CPNE8: variants seen among roughly 807,000 people sequenced by gnomAD.
CPNE8 encodes copine 8.
CPNE8 carries 45 observed loss-of-function variants against 81.5 expected under a neutral mutation model. The observed-to-expected ratio is 0.55, with a 90% CI of 0.44 to 0.71. CPNE8 has a LOEUF of 0.71. CPNE8 is among the 30% of genes least tolerant of loss of function. The pLI, the probability that CPNE8 is intolerant of heterozygous loss-of-function variation, is 0.00. For missense variants in CPNE8, 594 were observed against 672.1 expected (o/e 0.88, Z 1.28); for synonymous variants, 252 against 226.3 (o/e 1.11, Z -1.02).
chr12:38,860,730 G>A (rs946784835), intron 3 of CPNE8, among the ~76,000 whole-genome samples: 12 of 152,192 alleles, frequency 7.9e-5, no homozygotes, highest in East Asian at 5.8e-4. Context: ...TATGCTAAGC[G>A]AAATAAACCA....
At chr12:38,756,969 A>G (rs899973127) in intron 10 of CPNE8, among the ~76,000 whole-genome samples, 3 of 152,174 alleles carry the variant, frequency 2.0e-5, no homozygotes, top group African/African-American at 7.2e-5. Flanking sequence ...TTAAAATGAC[A>G]ATATTCTGGA....
intron 1 of CPNE8, 122 bp downstream of exon 1, chr12:38,905,315 A>C: frequency 8.7e-7 from 1 of 1,146,136 alleles, no homozygotes; most frequent in South Asian, 1.5e-5. Flanking sequence ...CTACTGAGAT[A>C]TTTCCCACTC....
At chr12:38,733,235 T>G (rs550927208) in intron 10 of CPNE8, among the ~76,000 whole-genome samples, 57 of 152,048 alleles carry the variant, frequency 3.7e-4, no homozygotes, top group African/African-American at 1.3e-3. Context: ...TTTTTATACT[T>G]TCTAACCTTT....
chr12:38,833,881 G>C lies in CPNE8; in HGVS notation c.331-4426C>G, dbSNP rs529412505. The stretch of plus-strand genomic sequence containing the variant: ...CTATTCAAGTAGATACCTGAATCAT[G>C]TGAGGGAGGGAACCATGTGAATATC... On this transcript the variant is annotated intron_variant, in intron 5 of 19. Transcript: ENST00000331366. Among the ~76,000 whole-genome samples the C allele has an allele frequency of 2.0e-5, 3 of 152,306 alleles. No individual in the cohort carries two copies. In the East Asian group the frequency reaches 5.8e-4, roughly 29 times the overall value.
Position 38,800,107 on chromosome 12 carries a change from C to A in CPNE8, c.408-23806G>T, listed in dbSNP as rs1332024461. On this transcript the variant is annotated intron_variant, in intron 6 of 19. Transcript: ENST00000331366. ...GGGCGCCCGCCATTGCCCAGGCTTGCTTAGGTAGACAAAGCAGCCAGGAAG... is the reference window on the plus strand; with the variant it reads ...GGGCGCCCGCCATTGCCCAGGCTTGATTAGGTAGACAAAGCAGCCAGGAAG... Among the ~76,000 whole-genome samples, 9 of 132,558 alleles carry A rather than the reference C, an allele frequency of 6.8e-5. No homozygotes were observed. The East Asian group carries it at 2.0e-3, about 29-fold the overall frequency. The allele number at this position is 132,558 out of a possible 152,430, so 87.0% of individuals were successfully genotyped here. A position where few individuals can be genotyped will look rare whatever the true frequency, so the allele number is the denominator to read the frequency against.
intron 7 of CPNE8, among the ~76,000 whole-genome samples, chr12:38,774,229 C>G (rs1379834071): frequency 6.6e-6 from 1 of 152,100 alleles, no homozygotes; most frequent in Non-Finnish European, 1.5e-5. Flanking sequence ...TGAAATAGAA[C>G]AGATAGTACT....
At chr12:38,870,453 T>C (rs1455927577) in intron 3 of CPNE8, among the ~76,000 whole-genome samples, 3 of 152,178 alleles carry the variant, frequency 2.0e-5, no homozygotes, top group African/African-American at 7.2e-5. Flanking sequence ...CATGGAATGC[T>C]ATGCAGCCAT....
chr12:38,868,126 T>C (rs1391018856), intron 3 of CPNE8, among the ~76,000 whole-genome samples: 1 of 152,120 alleles, frequency 6.6e-6, no homozygotes, highest in East Asian at 1.9e-4. Flanking sequence ...TGAATTTAAA[T>C]ACAAACATAA....
chr12:38,669,518 G>C (rs1351436282), intron 19 of CPNE8, among the ~76,000 whole-genome samples: 4 of 152,136 alleles, frequency 2.6e-5, no homozygotes, highest in Non-Finnish European at 4.4e-5. Context: ...TAGTGGAAAA[G>C]TCAGAATTTG....
At chr12:38,751,323 G>T (rs570339224) in intron 10 of CPNE8, among the ~76,000 whole-genome samples, 2 of 151,940 alleles carry the variant, frequency 1.3e-5, no homozygotes, top group African/African-American at 4.8e-5. Flanking sequence ...TAAAATATTC[G>T]CCTTTTTTAA....
chr12:38,789,990 T>A (rs1256782340), intron 6 of CPNE8, among the ~76,000 whole-genome samples: 1 of 151,792 alleles, frequency 6.6e-6, no homozygotes, highest in African/African-American at 2.4e-5. Context: ...TTGGACCTTC[T>A]TAGTAGAAAT....
At chr12:38,744,055 C>T (rs1052728319) in intron 10 of CPNE8, among the ~76,000 whole-genome samples, 1 of 152,052 alleles carries the variant, frequency 6.6e-6, no homozygotes, top group African/African-American at 2.4e-5. Context: ...CTATTATAAG[C>T]AGCATCGAGT....
At chr12:38,863,345 A>G (rs1943869103) in intron 3 of CPNE8, among the ~76,000 whole-genome samples, 2 of 152,212 alleles carry the variant, frequency 1.3e-5, no homozygotes, top group African/African-American at 4.8e-5. Context: ...AACCTCCTAT[A>G]ATGAAATGTC....
chr12:38,869,869 A>T (rs1360265298), intron 3 of CPNE8, among the ~76,000 whole-genome samples: 1 of 152,212 alleles, frequency 6.6e-6, no homozygotes. Context: ...CAAAAATAAA[A>T]AATAAGCAAA....
intron 13 of CPNE8, among the ~76,000 whole-genome samples, chr12:38,718,975 T>C (rs1940480796): frequency 6.6e-6 from 1 of 151,964 alleles, no homozygotes; most frequent in South Asian, 2.1e-4. Flanking sequence ...CCCATGATTA[T>C]AAAAAAATAG....
At chr12:38,751,013 T>C (rs1188824920) in intron 10 of CPNE8, among the ~76,000 whole-genome samples, 1 of 152,172 alleles carries the variant, frequency 6.6e-6, no homozygotes, top group Admixed American at 6.5e-5. Context: ...TCTCCTGATA[T>C]TAAATAAGTC....
At chr12:38,854,663 GA>G (rs1943702022) in intron 3 of CPNE8, among the ~76,000 whole-genome samples, 1 of 151,954 alleles carries the variant, frequency 6.6e-6, no homozygotes. Context: ...AACGAATTAT[GA>G]AAACTATATG....
intron 5 of CPNE8, among the ~76,000 whole-genome samples, chr12:38,830,064 G>GT (rs149525107): frequency 0.014 from 2,146 of 152,250 alleles, 25 homozygotes; most frequent in Non-Finnish European, 0.022. Context: ...CTAGCATATT[G>GT]TAAGTGCCTA....
At position 38,653,540 on chromosome 12, in the gene CPNE8, A is replaced by G. The variant is rs1164657916; in HGVS notation, c.*342T>C. 5.0e-6 allele frequency: 1 copy of G among 199,046 alleles called. No homozygotes were observed. The highest frequency in any genetic ancestry group is 1.0e-5 in the Non-Finnish European group (1 of 99,660). The allele number at this position is 199,046 out of a possible 1,614,324, so 12.3% of individuals were successfully genotyped here. A position where few individuals can be genotyped will look rare whatever the true frequency, so the allele number is the denominator to read the frequency against. Reference sequence around the variant, plus strand: ...GAGACTGCTTTCCTATACACATAGCAGTCGAAGACAATATTTGAGTTAAAA... The same window carrying G: ...GAGACTGCTTTCCTATACACATAGCGGTCGAAGACAATATTTGAGTTAAAA... On this transcript the variant is annotated 3_prime_UTR_variant, in exon 20 of 20. Coordinates refer to ENST00000331366, the MANE Select transcript of CPNE8 (RefSeq NM_153634.3).
Sources: allele counts gnomAD v4.1 joint callset (sites outside exome capture counted in the v4.1 genomes callset), GRCh38; gene constraint gnomAD v4.1.1; transcripts MANE v1.5; gene names NCBI Gene and HGNC (gene_info 2026-07-23, HGNC 2026-07-21).